AP1B1: variants seen among roughly 807,000 people sequenced by gnomAD.
The protein encoded by AP1B1 is adaptor related protein complex 1 subunit beta 1.
A neutral mutation model predicts 104.3 loss-of-function variants in AP1B1; 36 were observed. That is an observed-to-expected ratio of 0.35 (90% CI 0.26 to 0.46). AP1B1 has a LOEUF of 0.46. Among genes scored for constraint, AP1B1 ranks in the 20% least tolerant of loss-of-function variants. AP1B1 has a pLI of 1.00. For missense variants in AP1B1, 901 were observed against 1,247.9 expected, an observed-to-expected ratio of 0.72 and a Z score of 4.19; for synonymous variants, 504 against 517.5, an observed-to-expected ratio of 0.97 and a Z score of 0.35.
chr22:29,349,295 C>T lies in AP1B1; in HGVS notation c.1360G>A (p.Glu454Lys), dbSNP rs1456982630. Residue 454 changes from glutamate (E) to lysine (K), a missense_variant, in exon 11 of 23, where the codon GAG (glutamate) becomes AAG (lysine). Physicochemically the swap from Glu to Lys is moderately conservative, Grantham distance 56. Coordinates refer to ENST00000357586, the MANE Select transcript of AP1B1 (RefSeq NM_001127.4). The stretch of plus-strand genomic sequence containing the variant: ...GCGTTGTCGATCCGTTCCGCGTACT[C>T]GCCCACAATCCAGATCATGGCAGCC... ...ARAAMIWIVG[E>K]YAERIDNADE... 3.7e-6 allele frequency: 6 copies of T among 1,614,132 alleles called. No homozygotes were observed. The highest frequency in any genetic ancestry group is 2.2e-5 in the East Asian group (1 of 44,886).
At chr22:29,352,036 G>A (rs951073302) in intron 7 of AP1B1, among the ~76,000 whole-genome samples, 6 of 152,356 alleles carry the variant, frequency 3.9e-5, no homozygotes, top group African/African-American at 9.6e-5. Flanking sequence ...GCCTGAGCAC[G>A]TCGCCGGAAG....
At position 29,339,092 on chromosome 22, in the gene AP1B1, T is replaced by C. The variant is rs771230201; in HGVS notation, c.2061A>G (p.Val687=). Residue 687 remains valine, a synonymous_variant, in exon 16 of 23, where the codon GTA becomes GTG. Coordinates refer to ENST00000357586, the MANE Select transcript of AP1B1 (RefSeq NM_001127.4). ...TNFVAPPTAA[V]PANLGAPIGS... ...CGATGGGTGCTCCAAGATTGGCTGG[T>C]ACTGCTGCTGTTGGAGGTGCCACGA... 1.9e-6 allele frequency: 3 copies of C among 1,614,080 alleles called. No individual in the cohort carries two copies. The highest frequency in any genetic ancestry group is 2.5e-6 in the Non-Finnish European group (3 of 1,180,034).
chr22:29,362,044 G>A (rs2062055992), intron 3 of AP1B1, among the ~76,000 whole-genome samples: 1 of 152,034 alleles, frequency 6.6e-6, no homozygotes, highest in Non-Finnish European at 1.5e-5. Flanking sequence ...CACCCGCCTC[G>A]GCCTCCCAAA....
At chr22:29,359,686 G>T in intron 4 of AP1B1, 138 bp downstream of exon 4, 1 of 1,084,280 alleles carries the variant, frequency 9.2e-7, no homozygotes, top group Non-Finnish European at 1.3e-6. Flanking sequence ...TGGAGGAAGA[G>T]GCCTGCAGGC....
At chr22:29,384,438 G>A (rs747536988) in intron 1 of AP1B1, among the ~76,000 whole-genome samples, 151 of 150,434 alleles carry the variant, frequency 1.0e-3, no homozygotes, top group Non-Finnish European at 1.4e-3. Flanking sequence ...GAACCCCTTA[G>A]GAGTCAAGGA....
chr22:29,339,668 A>ACCCGCC, intron 15 of AP1B1, 86 bp downstream of exon 15: 1 of 1,449,488 alleles, frequency 6.9e-7, no homozygotes, highest in Non-Finnish European at 9.5e-7. Flanking sequence ...CTGTGACATC[A>ACCCGCC]CCCGCCCCCG....
At chr22:29,349,431 G>A (rs371038933) in intron 10 of AP1B1, 48 bp from the exon 11 acceptor site, 10 of 1,596,482 alleles carry the variant, frequency 6.3e-6, no homozygotes, top group African/African-American at 2.7e-5. Context: ...AGGAGAACGG[G>A]AAACCCAGGG....
chr22:29,329,649 G>C, intron 22 of AP1B1, 63 bp downstream of exon 22: 2 of 1,609,616 alleles, frequency 1.2e-6, no homozygotes, highest in Admixed American at 3.4e-5. Context: ...GGGGTGCATG[G>C]GGGCCATGAC....
chr22:29,355,299 T>G (rs565168036), intron 6 of AP1B1, among the ~76,000 whole-genome samples: 1 of 149,906 alleles, frequency 6.7e-6, no homozygotes, highest in South Asian at 2.1e-4. Flanking sequence ...CTACTAAAAA[T>G]AATTTTACAC....
intron 11 of AP1B1, among the ~76,000 whole-genome samples, chr22:29,345,298 T>C (rs1159151645): frequency 6.7e-6 from 1 of 149,554 alleles, no homozygotes; most frequent in African/African-American, 2.5e-5. Context: ...ACTCAAAAGA[T>C]CCTCCTGCCT....
chr22:29,353,520 C>T (rs1978799381), intron 7 of AP1B1, among the ~76,000 whole-genome samples: 2 of 152,178 alleles, frequency 1.3e-5, no homozygotes, highest in Admixed American at 6.5e-5. Flanking sequence ...AAATCCGTGA[C>T]CCAAGGGCAC....
chr22:29,352,497 T>C (rs1458507218), intron 7 of AP1B1, among the ~76,000 whole-genome samples: 1 of 152,174 alleles, frequency 6.6e-6, no homozygotes, highest in Non-Finnish European at 1.5e-5. Context: ...GTGCTCTGTA[T>C]GACTCCCCAT....
In AP1B1 at chr22:29,354,809, A is replaced by G. The variant is rs1020384653; in HGVS notation, c.779T>C (p.Val260Ala). The G allele has an allele frequency of 1.9e-6, 3 of 1,614,074 alleles. No homozygotes were observed. Among genetic ancestry groups the G allele is most frequent in the Non-Finnish European group, 1.7e-6 (2 of 1,180,016 alleles). Residue 260 changes from valine (V) to alanine (A), a missense_variant, in exon 7 of 23, where the codon GTG becomes GCG. Physicochemically the swap from Val to Ala is moderately conservative, Grantham distance 64. Coordinates refer to ENST00000357586, the MANE Select transcript of AP1B1 (RefSeq NM_001127.4). ...HANSAVVLSA[V>A]KVLMKFMEML... Reference sequence around the variant, plus strand: ...CTCCATGAACTTCATCAGCACCTTCACAGCAGAGAGCACCACAGCGGAGTT... The same window carrying G: ...CTCCATGAACTTCATCAGCACCTTCGCAGCAGAGAGCACCACAGCGGAGTT...
chr22:29,332,221 C>T (rs1193026973), intron 17 of AP1B1: 3 of 297,008 alleles, frequency 1.0e-5, no homozygotes, highest in East Asian at 1.3e-4. Context: ...GGTAGGCAGG[C>T]CTTGCCCTGT....
intron 14 of AP1B1, among the ~76,000 whole-genome samples, 164 bp downstream of exon 14, chr22:29,340,492 C>T (rs2061697760): frequency 6.6e-6 from 1 of 152,154 alleles, no homozygotes; most frequent in East Asian, 1.9e-4. Context: ...CCTTGGTTTT[C>T]TCATCATAAG....
Position 29,331,553 on chromosome 22 carries a change from C to CA in AP1B1, c.2440-21dup, listed in dbSNP as rs2061558195. On this transcript the variant is annotated intron_variant, in intron 18 of 22. Transcript: ENST00000357586. ...GGCCACCTAGGCACAAGGGGGTCCC[C>CA]AGTCAGTCTCTGGGGCTTGACGCCA... is the stretch of plus-strand genomic sequence containing the variant. 1.9e-6 allele frequency: 3 copies of CA among 1,613,974 alleles called. No individual in the cohort carries two copies. The highest frequency in any genetic ancestry group is 2.7e-5 in the African/African-American group (2 of 75,040).
chr22:29,371,723 G>A (rs905658945), intron 1 of AP1B1, among the ~76,000 whole-genome samples: 3 of 151,496 alleles, frequency 2.0e-5, no homozygotes, highest in Non-Finnish European at 2.9e-5. Context: ...GTGAGACTCC[G>A]TCTCAAAAAA....
At chr22:29,331,954 G>GT in intron 17 of AP1B1, 38 bp from the exon 18 acceptor site, 1 of 1,583,778 alleles carries the variant, frequency 6.3e-7, no homozygotes, top group Non-Finnish European at 8.6e-7. Context: ...GGCAGGGGGA[G>GT]TAGGTGCTGA....
At chr22:29,378,595 C>T (rs920953982) in intron 1 of AP1B1, among the ~76,000 whole-genome samples, 1 of 146,864 alleles carries the variant, frequency 6.8e-6, no homozygotes, top group African/African-American at 2.5e-5. Flanking sequence ...CGCAGTGGCT[C>T]ACGCCTGTAA....
Sources: gnomAD v4.1 joint callset for allele counts (sites outside exome capture counted in the v4.1 genomes callset) on GRCh38, gnomAD v4.1.1 for gene constraint, MANE v1.5 for transcripts, NCBI Gene and HGNC (gene_info 2026-07-23, HGNC 2026-07-21) for gene names.